Variants in PDZD2 observed in about 807,000 individuals in gnomAD.
PDZD2 encodes the protein PDZ domain containing 2.
PDZD2 carries 90 observed loss-of-function variants against 220.7 expected under a neutral mutation model. That is an observed-to-expected ratio of 0.41 (90% CI 0.34 to 0.49). The LOEUF is 0.49. Ranked by LOEUF, PDZD2 falls within the 20% of genes least tolerant of loss-of-function variation. The pLI, the probability that PDZD2 is intolerant of heterozygous loss-of-function variation, is 0.28. For synonymous variants in PDZD2, 1,375 were observed against 1,450.5 expected (o/e 0.95, Z 1.18); for missense variants, 3,174 against 3,608.5 (o/e 0.88, Z 3.08).
chr5:32,091,279 CTTTTTTTTTTT>C lies in PDZD2; in HGVS notation c.7727+117_7727+127del, dbSNP rs57254389. 2.7e-5 allele frequency: 7 copies of C among 262,552 alleles called. 1 individual carries two copies. The highest frequency in any genetic ancestry group is 2.1e-4 in the East Asian group (3 of 14,120). 16.3% of individuals were successfully genotyped at this position (262,552 alleles called of 1,614,324 possible). A position where few individuals can be genotyped will look rare whatever the true frequency, so the allele number is the denominator to read the frequency against. ...AAAGATAATGCAGAGTTCCCACTTA[CTTTTTTTTTTT>C]TTTTTTTTTTTTGAGATGGAGCATC... On this transcript the variant is annotated intron_variant, in intron 20 of 24. Coordinates refer to ENST00000438447, the MANE Select transcript of PDZD2 (RefSeq NM_178140.4).
At chr5:31,702,485 G>T (rs1747648323) in intron 1 of PDZD2, among the ~76,000 whole-genome samples, 1 of 152,186 alleles carries the variant, frequency 6.6e-6, no homozygotes. Flanking sequence ...CATTGACGAT[G>T]ATGGATCTAA....
At chr5:32,107,015 C>T (rs192209360) in intron 24 of PDZD2, among the ~76,000 whole-genome samples, 1 of 152,270 alleles carries the variant, frequency 6.6e-6, no homozygotes, top group East Asian at 1.9e-4. Flanking sequence ...TAACGACTTT[C>T]AGTAATTTAG....
At chr5:31,891,198 G>A (rs556096957) in intron 2 of PDZD2, among the ~76,000 whole-genome samples, 2 of 142,520 alleles carry the variant, frequency 1.4e-5, no homozygotes, top group East Asian at 2.1e-4. Context: ...GTGCAATGGC[G>A]CGATCTCGGC....
In PDZD2 at chr5:31,690,927, C is replaced by A. The variant is rs114503068; in HGVS notation, c.-361+51490C>A. Among the ~76,000 whole-genome samples the A allele has an allele frequency of 4.8e-3, 736 of 152,238 alleles. 6 individuals carry two copies. Among genetic ancestry groups the A allele is most frequent in the African/African-American group, 0.017 (693 of 41,536 alleles). ...ATGACCATGATGCCACTGCCAATAC[C>A]AACACAAAGCAGTAAAAAGTACGGG... On this transcript the variant is annotated intron_variant, in intron 1 of 24. Transcript: ENST00000438447.
At chr5:31,933,737 TCTGTTTC>T (rs1200932808) in intron 2 of PDZD2, among the ~76,000 whole-genome samples, 1 of 152,196 alleles carries the variant, frequency 6.6e-6, no homozygotes, top group African/African-American at 2.4e-5. Flanking sequence ...CCTGTGGGCC[TCTGTTTC>T]CACACGAACG....
At chr5:31,737,302 A>G in intron 1 of PDZD2, among the ~76,000 whole-genome samples, 1 of 149,640 alleles carries the variant, frequency 6.7e-6, no homozygotes, top group Non-Finnish European at 1.5e-5. Context: ...CCTCCTGAGT[A>G]GCTGGGACTA....
intron 2 of PDZD2, among the ~76,000 whole-genome samples, chr5:31,921,199 T>C (rs1333146860): frequency 6.6e-6 from 1 of 152,208 alleles, no homozygotes; most frequent in Admixed American, 6.5e-5. Context: ...AGAAAGAACA[T>C]AGGATTTGTT....
intron 1 of PDZD2, among the ~76,000 whole-genome samples, chr5:31,730,188 C>A (rs1225595763): frequency 1.3e-5 from 2 of 152,086 alleles, no homozygotes; most frequent in Admixed American, 6.6e-5. Context: ...GTACTTCTAG[C>A]AAGATTTAGT....
At chr5:31,806,551 A>G (rs896082688) in intron 2 of PDZD2, among the ~76,000 whole-genome samples, 1 of 152,150 alleles carries the variant, frequency 6.6e-6, no homozygotes, top group Non-Finnish European at 1.5e-5. Flanking sequence ...GGGAGTATTC[A>G]TGGTGTTTGA....
At chr5:31,790,140 G>A (rs972709994) in intron 1 of PDZD2, among the ~76,000 whole-genome samples, 6 of 151,914 alleles carry the variant, frequency 3.9e-5, no homozygotes, top group Admixed American at 6.6e-5. Context: ...ATGGAGTCTC[G>A]CTCTGTCACC....
At chr5:31,962,664 A>G (rs942344254) in intron 2 of PDZD2, among the ~76,000 whole-genome samples, 4 of 152,186 alleles carry the variant, frequency 2.6e-5, no homozygotes, top group African/African-American at 9.7e-5. Context: ...ATCTGCACGG[A>G]GAAGGAGTGT....
chr5:31,993,177 C>A (rs1323683633), intron 3 of PDZD2, among the ~76,000 whole-genome samples: 1 of 152,102 alleles, frequency 6.6e-6, no homozygotes, highest in Non-Finnish European at 1.5e-5. Context: ...TCAGAGGCAG[C>A]AAACCAAAAA....
chr5:31,664,132 G>A (rs1184517985), intron 1 of PDZD2, among the ~76,000 whole-genome samples: 2 of 152,090 alleles, frequency 1.3e-5, no homozygotes, highest in African/African-American at 4.8e-5. Flanking sequence ...GGTAATGATA[G>A]TTGCTATTGC....
intron 2 of PDZD2, among the ~76,000 whole-genome samples, chr5:31,804,967 G>A (rs959288703): frequency 6.6e-6 from 1 of 152,230 alleles, no homozygotes; most frequent in South Asian, 2.1e-4. Flanking sequence ...GCCGAGGCGG[G>A]TTGGTCAGCT....
intron 1 of PDZD2, among the ~76,000 whole-genome samples, chr5:31,702,588 A>G (rs1351262686): frequency 1.3e-5 from 2 of 152,268 alleles, no homozygotes; most frequent in East Asian, 1.9e-4. Flanking sequence ...TGCCCTACTG[A>G]TCTTCTCTCT....
At chr5:31,644,016 A>G (rs1032383782) in intron 1 of PDZD2, among the ~76,000 whole-genome samples, 2 of 152,014 alleles carry the variant, frequency 1.3e-5, no homozygotes, top group Non-Finnish European at 2.9e-5. Flanking sequence ...AATTTTTTGT[A>G]GAGATGGGGT....
intron 2 of PDZD2, among the ~76,000 whole-genome samples, chr5:31,877,925 G>A (rs1739454810): frequency 6.6e-6 from 1 of 152,104 alleles, no homozygotes; most frequent in Admixed American, 6.6e-5. Context: ...CTGACTTCAG[G>A]TGATCCACCC....
At chr5:32,067,876 G>A (rs1202376968) in intron 14 of PDZD2, among the ~76,000 whole-genome samples, 2 of 152,158 alleles carry the variant, frequency 1.3e-5, no homozygotes, top group Admixed American at 1.3e-4. Context: ...TGTTTTGAAA[G>A]CTTCATAGTC....
chr5:31,757,015 G>A (rs987360423), intron 1 of PDZD2, among the ~76,000 whole-genome samples: 4 of 152,228 alleles, frequency 2.6e-5, no homozygotes, highest in Non-Finnish European at 4.4e-5. Flanking sequence ...TGGGTCGGGC[G>A]GTTCATGCCT....
Sources: gnomAD v4.1 joint callset for allele counts (sites outside exome capture counted in the v4.1 genomes callset) on GRCh38, gnomAD v4.1.1 for gene constraint, MANE v1.5 for transcripts, NCBI Gene and HGNC (gene_info 2026-07-23, HGNC 2026-07-21) for gene names.